The following ZNF784 variants were observed in gnomAD, a reference collection of about 807,000 sequenced individuals.
ZNF784 encodes zinc finger protein 784.
A neutral mutation model predicts 3.3 loss-of-function variants in ZNF784; 5 were observed. The observed-to-expected ratio is 1.53, with a 90% confidence interval of 0.80 to 3.22. The LOEUF (loss-of-function observed/expected upper bound fraction) is 3.22, where lower values mean the gene tolerates loss of function less well. Ranked by LOEUF, ZNF784 falls within the 30% of genes most tolerant of loss-of-function variation. The probability of loss-of-function intolerance (pLI) is 0.00; values close to 1 mark genes in which losing one functional copy is unlikely to be tolerated. For synonymous variants in ZNF784, 231 were observed against 219.6 expected (o/e 1.05, Z -0.46); for missense variants, 501 against 480.7 (o/e 1.04, Z -0.39).
Position 55,622,195 on chromosome 19 carries a change from C to T in ZNF784, c.528G>A (p.Pro176=), listed in dbSNP as rs906659249. ...AVAEQRPGVA[P]ERAEVVMAAA... is the part of the protein sequence containing the mutation. ...CCGCCATCACCACCTCCGCCCTCTC[C>T]GGGGCCACCCCGGGCCTCTGTTCTG... Residue 176 remains proline, a synonymous_variant, in exon 2 of 2, where the codon CCG becomes CCA. Coordinates refer to ENST00000325351, the MANE Select transcript of ZNF784 (RefSeq NM_203374.2). This position sits in a 1 kb window ranked among gnomAD's most constrained non-coding sequence, Gnocchi z 5.9. 2.0e-6 allele frequency: 3 copies of T among 1,533,852 alleles called. No individual in the cohort carries two copies. The highest frequency in any genetic ancestry group is 1.4e-5 in the African/African-American group (1 of 73,056).
At position 55,622,495 on chromosome 19, in the gene ZNF784, C is replaced by G; in HGVS notation, c.228G>C (p.Leu76=). The G allele has an allele frequency of 6.2e-7, 1 of 1,612,950 alleles. No homozygotes were observed. Among genetic ancestry groups the G allele is most frequent in the Non-Finnish European group, 8.5e-7 (1 of 1,179,852 alleles). The change falls in exon 2 of 2, where the codon CTG becomes CTC. Residue 76 remains leucine (L), a synonymous_variant. Coordinates refer to ENST00000325351, the MANE Select transcript of ZNF784 (RefSeq NM_203374.2). The surrounding 1 kb of genome is among the most constrained non-coding windows in gnomAD (Gnocchi z 5.9). ...GTTCGTGGAACAGCAGCTCGGAAAC[C>G]AGCCGGAAGGCAGCAGGGCACAAGG... The part of the protein sequence containing the change: ...HCALCPAAFR[L]VSELLFHEHG...
rs147200330 is a variant in ZNF784, at chr19:55,622,974, C to T, written c.79-330G>A. ...GGCAGATCACCTGAGGTCAGGAGTT[C>T]GAAACCAGCCTGGCCAACATGGCAA... On this transcript the variant is annotated intron_variant, in intron 1 of 1. Coordinates refer to ENST00000325351, the MANE Select transcript of ZNF784 (RefSeq NM_203374.2). The surrounding 1 kb of genome is among the most constrained non-coding windows in gnomAD (Gnocchi z 5.9). 1.1e-3 allele frequency among the ~76,000 whole-genome samples: 164 copies of T among 152,242 alleles called. 1 individual carries two copies. Among genetic ancestry groups the T allele is most frequent in the African/African-American group, 3.8e-3 (156 of 41,532 alleles).
Position 55,624,529 on chromosome 19 carries a change from C to T in ZNF784, c.33G>A (p.Arg11=). The change falls in exon 1 of 2, where the codon CGG becomes CGA. Residue 11 remains arginine (R), a synonymous_variant. Coordinates refer to ENST00000325351, the MANE Select transcript of ZNF784 (RefSeq NM_203374.2). ...ATCGCGACTCCGGAGTCGGTGAGCT[C>T]CGACTCTGGGCCTCTGGGCGCGCAG... MAAARPEAQS[R]SSPTPESRSQ... is the part of the protein sequence containing the mutation. 6.2e-7 allele frequency: 1 copy of T among 1,603,544 alleles called. No individual in the cohort carries two copies. Among genetic ancestry groups the T allele is most frequent in the Middle Eastern group, 1.7e-4 (1 of 5,976 alleles).
chr19:55,621,908 C>A lies in ZNF784; in HGVS notation c.815G>T (p.Arg272Leu). ...CGGCCCCGGCCCGTGGAAGTGGGTG[C>A]GCTGGTGCTTGCGGAAGTTGGAGGA... is the stretch of plus-strand genomic sequence containing the variant. ...NNSSNFRKHQ[R>L]THFHGPGPGL... is the part of the protein sequence containing the mutation. The change falls in exon 2 of 2, where the codon CGC becomes CTC. Residue 272 changes from arginine to leucine, a missense_variant. Arg to Leu is a moderately radical substitution (Grantham distance 102). Transcript: ENST00000325351. The surrounding 1 kb of genome is among the most constrained non-coding windows in gnomAD (Gnocchi z 4.1). 6.3e-7 allele frequency: 1 copy of A among 1,593,884 alleles called. No individual in the cohort carries two copies. The highest frequency in any genetic ancestry group is 8.5e-7 in the Non-Finnish European group (1 of 1,176,096).
In ZNF784 at chr19:55,621,226, C is replaced by G. The variant is rs1321296865; in HGVS notation, c.*525G>C. The stretch of plus-strand genomic sequence containing the variant: ...GATCCCAGAGTCTCTTCACAGATAA[C>G]CTGGTGAGTGTCTTCTGCCAGAGGG... On this transcript the variant is annotated 3_prime_UTR_variant, in exon 2 of 2. Coordinates refer to ENST00000325351, the MANE Select transcript of ZNF784 (RefSeq NM_203374.2). This position sits in a 1 kb window ranked among gnomAD's most constrained non-coding sequence, Gnocchi z 4.1. The G allele has an allele frequency of 1.8e-5, 3 of 166,648 alleles. No individual in the cohort carries two copies. Among genetic ancestry groups the G allele is most frequent in the Admixed American group, 1.7e-4 (3 of 17,850 alleles). 10.3% of individuals were successfully genotyped at this position (166,648 alleles called of 1,614,324 possible).
At position 55,621,916 on chromosome 19, in the gene ZNF784, C is replaced by T. The variant is rs1293641868; in HGVS notation, c.807G>A (p.Lys269=). 2.5e-6 allele frequency: 4 copies of T among 1,594,840 alleles called. No individual in the cohort carries two copies. Among genetic ancestry groups the T allele is most frequent in the South Asian group, 1.1e-5 (1 of 89,900 alleles). ...GCCCGTGGAAGTGGGTGCGCTGGTGCTTGCGGAAGTTGGAGGAGTTGTTGA... is the reference window on the plus strand; with the variant it reads ...GCCCGTGGAAGTGGGTGCGCTGGTGTTTGCGGAAGTTGGAGGAGTTGTTGA... The part of the protein sequence containing the change: ...RTFNNSSNFR[K]HQRTHFHGPG... Residue 269 remains lysine (K), a synonymous_variant, in exon 2 of 2, where the codon AAG becomes AAA. Coordinates refer to ENST00000325351, the MANE Select transcript of ZNF784 (RefSeq NM_203374.2). This position sits in a 1 kb window ranked among gnomAD's most constrained non-coding sequence, Gnocchi z 4.1.
In ZNF784 at chr19:55,621,298, G is replaced by C; in HGVS notation, c.*453C>G. ...GTGCAATGCAGTGAGGTAGGCAGGA[G>C]ACTCCATCCTGGTCCACCCGTGGAG... On this transcript the variant is annotated 3_prime_UTR_variant, in exon 2 of 2. Coordinates refer to ENST00000325351, the MANE Select transcript of ZNF784 (RefSeq NM_203374.2). This position sits in a 1 kb window ranked among gnomAD's most constrained non-coding sequence, Gnocchi z 4.1. 1 of 219,036 alleles carries C rather than the reference G, an allele frequency of 4.6e-6. No homozygotes were observed. Among genetic ancestry groups the C allele is most frequent in the Non-Finnish European group, 9.3e-6 (1 of 107,340 alleles). The allele number at this position is 219,036 out of a possible 1,614,324, so 13.6% of individuals were successfully genotyped here.
chr19:55,622,564 G>A lies in ZNF784; in HGVS notation c.159C>T (p.Thr53=). The change falls in exon 2 of 2, where the codon ACC becomes ACT. Residue 53 remains threonine, a synonymous_variant. Transcript: ENST00000325351. The surrounding 1 kb of genome is among the most constrained non-coding windows in gnomAD (Gnocchi z 5.9). ...GCTCCGGGGGCTCAGGGACCAGCGT[G>A]GTGTCCGTCACCTTCACCACCTGGA... ...IEIQVVKVTD[T]TLVPEPPEPG... The A allele has an allele frequency of 6.2e-7, 1 of 1,609,970 alleles. No homozygotes were observed. The highest frequency in any genetic ancestry group is 8.5e-7 in the Non-Finnish European group (1 of 1,178,620).
At position 55,622,411 on chromosome 19, in the gene ZNF784, G is replaced by A. The variant is rs769182562; in HGVS notation, c.312C>T (p.His104=). The change falls in exon 2 of 2, where the codon CAC becomes CAT. Residue 104 remains histidine (H), a synonymous_variant. Coordinates refer to ENST00000325351, the MANE Select transcript of ZNF784 (RefSeq NM_203374.2). This position sits in a 1 kb window ranked among gnomAD's most constrained non-coding sequence, Gnocchi z 5.9. The part of the protein sequence containing the change: ...GGQGGDPSRC[H]VCGHSCPGPA... ...GGCCCGGGCAGCTGTGGCCGCACACGTGGCACCGGCTCGGGTCCCCACCCT... is the reference window on the plus strand; with the variant it reads ...GGCCCGGGCAGCTGTGGCCGCACACATGGCACCGGCTCGGGTCCCCACCCT... 6.3e-7 allele frequency: 1 copy of A among 1,578,116 alleles called. No individual in the cohort carries two copies. The highest frequency in any genetic ancestry group is 1.2e-5 in the South Asian group (1 of 86,354).
chr19:55,624,537 G>A lies in ZNF784; in HGVS notation c.25C>T (p.Gln9Ter). 6.3e-7 allele frequency: 1 copy of A among 1,599,094 alleles called. No individual in the cohort carries two copies. The highest frequency in any genetic ancestry group is 8.5e-7 in the Non-Finnish European group (1 of 1,174,086). MAAARPEA[Q>*]SRSSPTPESR... ...TCCGGAGTCGGTGAGCTCCGACTCT[G>A]GGCCTCTGGGCGCGCAGCGGCCATC... Residue 9 changes from glutamine to a stop codon, truncating the protein, a stop_gained, in exon 1 of 2, where the codon CAG becomes TAG. Transcript: ENST00000325351. LOFTEE classifies it high-confidence loss of function.
chr19:55,621,833 G>T lies in ZNF784; in HGVS notation c.890C>A (p.Ser297Ter). 7.8e-7 allele frequency: 1 copy of T among 1,277,926 alleles called. No individual in the cohort carries two copies. The allele number at this position is 1,277,926 out of a possible 1,614,324, so 79.2% of individuals were successfully genotyped here. A position where few individuals can be genotyped will look rare whatever the true frequency, so the allele number is the denominator to read the frequency against. ...GTCCCCTACCCCACACCCGCTCCCC[G>T]ACCCCTCAGCCGCCGACGAGCCCAG... ...GQLGSSAAEGSGSGCGVGDPA... is the reference protein window; with the variant it reads ...GQLGSSAAEG The change falls in exon 2 of 2, where the codon TCG (serine) becomes TAG (stop). Residue 297 changes from serine (S) to a stop codon, truncating the protein, a stop_gained. Transcript: ENST00000325351. LOFTEE classifies it low-confidence loss of function (END_TRUNC). The surrounding 1 kb of genome is among the most constrained non-coding windows in gnomAD (Gnocchi z 4.1).
Position 55,622,576 on chromosome 19 carries a change from CT to C in ZNF784, c.146del (p.Lys49ArgfsTer2). ...CAGGGACCAGCGTGGTGTCCGTCAC[CT>C]TCACCACCTGGATCTCGATGAGGTC... ...PSDLIEIQVV[K>X]VTDTTLVPEP... On this transcript the variant is annotated frameshift_variant, in exon 2 of 2. Transcript: ENST00000325351. LOFTEE classifies it low-confidence loss of function (END_TRUNC). The surrounding 1 kb of genome is among the most constrained non-coding windows in gnomAD (Gnocchi z 5.9). 1 of 1,606,572 alleles carries C rather than the reference CT, an allele frequency of 6.2e-7. No individual in the cohort carries two copies. The highest frequency in any genetic ancestry group is 8.5e-7 in the Non-Finnish European group (1 of 1,176,732).
chr19:55,623,411 CCTCCACCCTAGTTAAAG>C (rs1981637579), intron 1 of ZNF784, among the ~76,000 whole-genome samples: 1 of 152,198 alleles, frequency 6.6e-6, no homozygotes, highest in Non-Finnish European at 1.5e-5. Flanking sequence ...CACCTTTTGT[CCTCCACCCTAGTTAAAG>C]CCCCATCACT....
Position 55,621,719 on chromosome 19 carries a change from G to A in ZNF784, c.*32C>T, listed in dbSNP as rs368446487. 41 of 1,428,984 alleles carry A rather than the reference G, an allele frequency of 2.9e-5. No individual in the cohort carries two copies. The highest frequency in any genetic ancestry group is 3.3e-5 in the Non-Finnish European group (36 of 1,081,674). 88.5% of individuals were successfully genotyped at this position (1,428,984 alleles called of 1,614,324 possible). A position where few individuals can be genotyped will look rare whatever the true frequency, so the allele number is the denominator to read the frequency against. On this transcript the variant is annotated 3_prime_UTR_variant, in exon 2 of 2. Coordinates refer to ENST00000325351, the MANE Select transcript of ZNF784 (RefSeq NM_203374.2). The surrounding 1 kb of genome is among the most constrained non-coding windows in gnomAD (Gnocchi z 4.1). ...CTCCCCGGGTCGGCCTCGTACCTCC[G>A]CCTTAACTAACCCATGTCCCTGGTC...
chr19:55,622,760 T>A lies in ZNF784; in HGVS notation c.79-116A>T. ...TATTTTCAGACAGGGCCTCACTCTG[T>A]TGCCCTGGCGCGATCGTGGCTCATT... On this transcript the variant is annotated intron_variant, in intron 1 of 1. Transcript: ENST00000325351. The surrounding 1 kb of genome is among the most constrained non-coding windows in gnomAD (Gnocchi z 5.9). The A allele has an allele frequency of 1.0e-6, 1 of 995,866 alleles. No homozygotes were observed. The highest frequency in any genetic ancestry group is 1.4e-6 in the Non-Finnish European group (1 of 724,122). The allele number at this position is 995,866 out of a possible 1,614,324, so 61.7% of individuals were successfully genotyped here. A position where few individuals can be genotyped will look rare whatever the true frequency, so the allele number is the denominator to read the frequency against.
chr19:55,623,276 C>T (rs577354394), intron 1 of ZNF784, among the ~76,000 whole-genome samples: 3 of 152,340 alleles, frequency 2.0e-5, no homozygotes, highest in African/African-American at 7.2e-5. Context: ...TCAAGAGATC[C>T]TTCTGGCTCT....
rs1365282796 is a variant in ZNF784 at position 55,622,178 on chromosome 19, A to G, written c.545T>C (p.Val182Ala). 6.5e-7 allele frequency: 1 copy of G among 1,533,590 alleles called. No individual in the cohort carries two copies. Among genetic ancestry groups the G allele is most frequent in the Admixed American group, 2.0e-5 (1 of 50,856 alleles). The allele number at this position is 1,533,590 out of a possible 1,614,324, so 95.0% of individuals were successfully genotyped here. The change falls in exon 2 of 2, where the codon GTG (valine) becomes GCG (alanine). Residue 182 changes from valine (V) to alanine (A), a missense_variant. Physicochemically the swap from Val to Ala is moderately conservative, Grantham distance 64. Transcript: ENST00000325351. This position sits in a 1 kb window ranked among gnomAD's most constrained non-coding sequence, Gnocchi z 5.9. Reference protein sequence around the residue: ...PGVAPERAEVVMAAAAAGAAV... With the variant: ...PGVAPERAEVAMAAAAAGAAV... ...TGCGCCCGCCGCCGCCGCCGCCATC[A>G]CCACCTCCGCCCTCTCCGGGGCCAC...
At position 55,622,782 on chromosome 19, in the gene ZNF784, C is replaced by T. The variant is rs1451072808; in HGVS notation, c.79-138G>A. ...CTGTTGCCCTGGCGCGATCGTGGCT[C>T]ATTGCAACCTTGACCTCCTGGGCTC... On this transcript the variant is annotated intron_variant, in intron 1 of 1. Coordinates refer to ENST00000325351, the MANE Select transcript of ZNF784 (RefSeq NM_203374.2). This position sits in a 1 kb window ranked among gnomAD's most constrained non-coding sequence, Gnocchi z 5.9. The T allele has an allele frequency of 4.1e-6, 3 of 733,540 alleles. No homozygotes were observed. The highest frequency in any genetic ancestry group is 3.5e-5 in the Admixed American group (1 of 28,254). The allele number at this position is 733,540 out of a possible 1,614,324, so 45.4% of individuals were successfully genotyped here. A position where few individuals can be genotyped will look rare whatever the true frequency, so the allele number is the denominator to read the frequency against.
rs1981550927 is a variant in ZNF784, at chr19:55,621,565, G to A, written c.*186C>T. Reference sequence around the variant, plus strand: ...TGGCAGAGGTGCTGTGTGGGCGTGTGGGAGTCTGGAGCCTGGCCCTCTCCC... The same window carrying A: ...TGGCAGAGGTGCTGTGTGGGCGTGTAGGAGTCTGGAGCCTGGCCCTCTCCC... On this transcript the variant is annotated 3_prime_UTR_variant, in exon 2 of 2. Coordinates refer to ENST00000325351, the MANE Select transcript of ZNF784 (RefSeq NM_203374.2). This position sits in a 1 kb window ranked among gnomAD's most constrained non-coding sequence, Gnocchi z 4.1. The A allele has an allele frequency of 6.5e-6, 5 of 772,028 alleles. No homozygotes were observed. In the South Asian group the frequency reaches 7.1e-5, roughly 11 times the overall value. 47.8% of individuals were successfully genotyped at this position (772,028 alleles called of 1,614,324 possible). A position where few individuals can be genotyped will look rare whatever the true frequency, so the allele number is the denominator to read the frequency against.
Sources: allele counts gnomAD v4.1 joint callset (sites outside exome capture counted in the v4.1 genomes callset), GRCh38; gene constraint gnomAD v4.1.1; non-coding constraint Gnocchi (gnomAD v3.1); transcripts MANE v1.5; gene names NCBI Gene and HGNC (gene_info 2026-07-23, HGNC 2026-07-21).